Variants in BABAM2 observed in about 807,000 individuals in gnomAD.
BABAM2 encodes BRISC and BRCA1 A complex member 2.
BABAM2 carries 31 observed loss-of-function variants against 54.7 expected under a neutral mutation model. The observed-to-expected ratio is 0.57, with a 90% CI of 0.43 to 0.77. The LOEUF is 0.77. Ranked by LOEUF, BABAM2 falls within the 30% of genes least tolerant of loss-of-function variation. The pLI is 0.00. For synonymous variants in BABAM2, 167 were observed against 162.9 expected (o/e 1.03, Z -0.19); for missense variants, 364 against 455.8 (o/e 0.80, Z 1.83).
At chr2:28,296,535 C>G (rs72786729) in intron 10 of BABAM2, among the ~76,000 whole-genome samples, 37,834 of 152,066 alleles carry the variant, frequency 0.25, 5,972 homozygotes, top group Non-Finnish European at 0.36. Flanking sequence ...TTTTTTGATT[C>G]TCGGGAGTTT....
intron 6 of BABAM2, among the ~76,000 whole-genome samples, chr2:28,105,995 G>A (rs770580181): frequency 4.7e-5 from 7 of 147,404 alleles, no homozygotes; most frequent in East Asian, 2.0e-4. Context: ...AATTTCAAAC[G>A]ATCTCAAATT....
intron 6 of BABAM2, among the ~76,000 whole-genome samples, chr2:28,095,082 A>G (rs1666493107): frequency 6.6e-6 from 1 of 152,092 alleles, no homozygotes; most frequent in Non-Finnish European, 1.5e-5. Flanking sequence ...GATATTATTT[A>G]TAGGACCAGT....
At chr2:28,224,874 A>C (rs909906045) in intron 7 of BABAM2, among the ~76,000 whole-genome samples, 1 of 148,738 alleles carries the variant, frequency 6.7e-6, no homozygotes, top group Non-Finnish European at 1.5e-5. Context: ...AAAAAAAAAA[A>C]TCTGGGGCCC....
intron 6 of BABAM2, among the ~76,000 whole-genome samples, chr2:28,059,658 G>A (rs1678707603): frequency 6.6e-6 from 1 of 152,162 alleles, no homozygotes; most frequent in Admixed American, 6.5e-5. Flanking sequence ...AGTACATGAG[G>A]TAAAAACTAT....
At chr2:28,133,029 G>A (rs115181055) in intron 7 of BABAM2, among the ~76,000 whole-genome samples, 2,083 of 152,270 alleles carry the variant, frequency 0.014, 43 homozygotes, top group African/African-American at 0.046. Flanking sequence ...GTAGAACTAC[G>A]TTTATAATAC....
intron 5 of BABAM2, among the ~76,000 whole-genome samples, chr2:28,026,896 A>AAATATATATAAATATATATT (rs1185219587): frequency 7.4e-5 from 2 of 27,118 alleles, no homozygotes; most frequent in South Asian, 1.7e-3. Context: ...AGATATATAT[A>AAATATATATAAATATATATT]AATATATATA....
chr2:28,259,196 G>A (rs71426859), intron 10 of BABAM2, among the ~76,000 whole-genome samples: 73 of 114,250 alleles, frequency 6.4e-4, no homozygotes, highest in African/African-American at 2.3e-3. Context: ...CAAGCAATTC[G>A]CCTGCCTCAG....
At chr2:27,917,759 A>G (rs1428351802) in intron 2 of BABAM2, among the ~76,000 whole-genome samples, 1 of 152,258 alleles carries the variant, frequency 6.6e-6, no homozygotes, top group African/African-American at 2.4e-5. Context: ...TTATAAAAAT[A>G]TATTTATAGA....
intron 7 of BABAM2, among the ~76,000 whole-genome samples, chr2:28,179,935 A>C (rs1008143000): frequency 6.6e-6 from 1 of 152,176 alleles, no homozygotes; most frequent in Non-Finnish European, 1.5e-5. Flanking sequence ...CTACAATGAA[A>C]ACTACAAAAC....
chr2:28,292,703 C>T (rs1687387116), intron 10 of BABAM2, among the ~76,000 whole-genome samples: 1 of 152,184 alleles, frequency 6.6e-6, no homozygotes, highest in South Asian at 2.1e-4. Context: ...GGGGGCTTCT[C>T]CTTACACGTG....
chr2:28,260,136 T>A (rs2148129537), intron 10 of BABAM2, among the ~76,000 whole-genome samples: 1 of 152,082 alleles, frequency 6.6e-6, no homozygotes, highest in Non-Finnish European at 1.5e-5. Flanking sequence ...TACCTCATGA[T>A]CCACCCGCCT....
intron 10 of BABAM2, among the ~76,000 whole-genome samples, chr2:28,250,587 T>TTC (rs1184899561): frequency 1.3e-5 from 2 of 148,590 alleles, no homozygotes; most frequent in East Asian, 3.9e-4. Context: ...TTTTTTTCTT[T>TTC]TTTTTTTGTT....
At position 27,995,832 on chromosome 2, in the gene BABAM2, G is replaced by A. The variant is rs894590652; in HGVS notation, c.300+7745G>A. Reference sequence around the variant, plus strand: ...CCTGACCTCATGATCTGCCCACCTCGGCCTCCCAAAGTGCTGGGATTACAG... The same window carrying A: ...CCTGACCTCATGATCTGCCCACCTCAGCCTCCCAAAGTGCTGGGATTACAG... On this transcript the variant is annotated intron_variant, in intron 4 of 11. Transcript: ENST00000379624. The surrounding 1 kb of genome is among the most constrained non-coding windows in gnomAD (Gnocchi z 4.1). 6.6e-6 allele frequency among the ~76,000 whole-genome samples: 1 copy of A among 151,926 alleles called. No individual in the cohort carries two copies. Among genetic ancestry groups the A allele is most frequent in the Non-Finnish European group, 1.5e-5 (1 of 67,966 alleles).
At chr2:28,227,304 C>G (rs1470713710) in intron 7 of BABAM2, among the ~76,000 whole-genome samples, 1 of 152,122 alleles carries the variant, frequency 6.6e-6, no homozygotes, top group Non-Finnish European at 1.5e-5. Context: ...CCAGTAGGCA[C>G]CCTGGGCAGC....
chr2:28,191,749 G>A (rs1015419707), intron 7 of BABAM2, among the ~76,000 whole-genome samples: 7 of 152,226 alleles, frequency 4.6e-5, no homozygotes, highest in African/African-American at 1.4e-4. Flanking sequence ...GGTTGCCTGG[G>A]GACAGGAGCA....
chr2:28,241,432 C>A, intron 9 of BABAM2, 39 bp downstream of exon 9: 1 of 1,583,810 alleles, frequency 6.3e-7, no homozygotes, highest in Non-Finnish European at 8.7e-7. Context: ...CCGGTGATGC[C>A]CTCGCTTGCT....
At chr2:27,999,158 G>A (rs55954867) in intron 4 of BABAM2, among the ~76,000 whole-genome samples, 1 of 152,018 alleles carries the variant, frequency 6.6e-6, no homozygotes, top group African/African-American at 2.4e-5. Context: ...ATCTATTTGT[G>A]GTACCAGGCA....
In BABAM2 at chr2:28,001,458, A is replaced by G. The variant is rs1248693262; in HGVS notation, c.300+13371A>G. 2.0e-5 allele frequency among the ~76,000 whole-genome samples: 3 copies of G among 152,334 alleles called. No individual in the cohort carries two copies. In the East Asian group the frequency reaches 5.8e-4, roughly 29 times the overall value. On this transcript the variant is annotated intron_variant, in intron 4 of 11. Coordinates refer to ENST00000379624, the MANE Select transcript of BABAM2 (RefSeq NM_199191.3). ...ACCTCATATTTAGGCACTGTGCTCC[A>G]TGCTCACACTTTAGTAGTGGAGAAA...
At chr2:27,958,613 G>A (rs1670260219) in intron 3 of BABAM2, among the ~76,000 whole-genome samples, 1 of 150,310 alleles carries the variant, frequency 6.7e-6, no homozygotes, top group Non-Finnish European at 1.5e-5. Flanking sequence ...TATTTTTTAT[G>A]AAGTTGAAGT....
Sources: allele counts gnomAD v4.1 joint callset (sites outside exome capture counted in the v4.1 genomes callset), GRCh38; gene constraint gnomAD v4.1.1; non-coding constraint Gnocchi (gnomAD v3.1); transcripts MANE v1.5; gene names NCBI Gene and HGNC (gene_info 2026-07-23, HGNC 2026-07-21).